BCAS3: variants seen among roughly 807,000 people sequenced by gnomAD.
The protein encoded by BCAS3 is BCAS3 microtubule associated cell migration factor.
In BCAS3, 53 loss-of-function variants were observed where a neutral mutation model predicts 116.1. The observed-to-expected ratio is 0.46, with a 90% CI of 0.37 to 0.57. The LOEUF (loss-of-function observed/expected upper bound fraction) is 0.57, where lower values mean the gene tolerates loss of function less well. BCAS3 is among the 20% of genes least tolerant of loss of function. The probability of loss-of-function intolerance (pLI) is 0.00; values close to 1 mark genes in which losing one functional copy is unlikely to be tolerated. For missense variants in BCAS3, 917 were observed against 1,165.4 expected (o/e 0.79, Z 3.10); for synonymous variants, 391 against 408.2 (o/e 0.96, Z 0.51).
At chr17:61,254,991 C>T (rs2048679321) in intron 22 of BCAS3, among the ~76,000 whole-genome samples, 1 of 152,076 alleles carries the variant, frequency 6.6e-6, no homozygotes, top group Non-Finnish European at 1.5e-5. Context: ...ATTGAAACAG[C>T]CCTGTTGTGT....
intron 7 of BCAS3, among the ~76,000 whole-genome samples, chr17:60,862,001 C>T (rs539324154): frequency 9.8e-4 from 149 of 152,120 alleles, no homozygotes; most frequent in African/African-American, 3.5e-3. Context: ...AAGCTGGCTT[C>T]GGCCGGGCGT....
chr17:61,038,656 GT>G lies in BCAS3; in HGVS notation c.1928+607del, dbSNP rs1568187807. ...ATACTTCATTCCTTTTTTTTGTTTT[GT>G]TTTTGTTTTTGTTTTTTTTTTTTTT... is the stretch of plus-strand genomic sequence containing the variant. On this transcript the variant is annotated intron_variant, in intron 18 of 23. Transcript: ENST00000407086. 3.0e-3 allele frequency among the ~76,000 whole-genome samples: 369 copies of G among 122,434 alleles called. 3 individuals are homozygous for G. The highest frequency in any genetic ancestry group is 0.014 in the African/African-American group (356 of 25,846). The allele number at this position is 122,434 out of a possible 152,430, so 80.3% of individuals were successfully genotyped here. A position where few individuals can be genotyped will look rare whatever the true frequency, so the allele number is the denominator to read the frequency against.
At chr17:60,678,823 C>T (rs144169513) in intron 1 of BCAS3, among the ~76,000 whole-genome samples, 3 of 152,262 alleles carry the variant, frequency 2.0e-5, no homozygotes, top group African/African-American at 4.8e-5. Context: ...AATTCCCATC[C>T]CATGATCTGG....
chr17:60,696,860 C>A (rs1443919786), intron 4 of BCAS3, among the ~76,000 whole-genome samples: 1 of 152,086 alleles, frequency 6.6e-6, no homozygotes. Flanking sequence ...TATTTTCTGC[C>A]CCTATCATTA....
At chr17:60,790,827 T>G (rs926787789) in intron 6 of BCAS3, among the ~76,000 whole-genome samples, 3 of 147,394 alleles carry the variant, frequency 2.0e-5, no homozygotes, top group African/African-American at 7.5e-5. Flanking sequence ...CACTGCAGCC[T>G]CTGCCTCCCC....
chr17:60,699,195 ATTTG>A (rs1256440144), intron 4 of BCAS3, among the ~76,000 whole-genome samples: 1 of 150,868 alleles, frequency 6.6e-6, no homozygotes, highest in Admixed American at 6.6e-5. Flanking sequence ...ATAAAACACC[ATTTG>A]TTTATTTATT....
In BCAS3 at chr17:61,348,681, C is replaced by T. The variant is rs755894723; in HGVS notation, c.2426-19646C>T. Among the ~76,000 whole-genome samples, 2 of 151,706 alleles carry T rather than the reference C, an allele frequency of 1.3e-5. No individual in the cohort carries two copies. The highest frequency in any genetic ancestry group is 2.9e-5 in the Non-Finnish European group (2 of 67,974). On this transcript the variant is annotated intron_variant, in intron 22 of 23. Coordinates refer to ENST00000407086, the MANE Select transcript of BCAS3 (RefSeq NM_017679.5). This position sits in a 1 kb window ranked among gnomAD's most constrained non-coding sequence, Gnocchi z 4.5. ...AGTCTGGGTTGCCCACAAGGGACCA[C>T]ATCATTGTACCTAAGCTGCCATGAT... is the stretch of plus-strand genomic sequence containing the variant.
At chr17:60,797,869 C>T (rs7225403) in intron 6 of BCAS3, among the ~76,000 whole-genome samples, 28,027 of 152,024 alleles carry the variant, frequency 0.18, 4,052 homozygotes, top group African/African-American at 0.41. Context: ...GGCGAGACCC[C>T]GTTTCTGCAA....
At chr17:61,116,165 G>A (rs866217168) in intron 22 of BCAS3, among the ~76,000 whole-genome samples, 3 of 151,604 alleles carry the variant, frequency 2.0e-5, no homozygotes, top group Non-Finnish European at 4.4e-5. Flanking sequence ...TGGGTGCAGC[G>A]CACCAGCATG....
chr17:61,389,465 A>C lies in BCAS3; in HGVS notation c.2594-2512A>C, dbSNP rs2060021023. 4 of 152,414 alleles carry C rather than the reference A, an allele frequency of 2.6e-5. No individual in the cohort carries two copies. The South Asian group carries it at 8.3e-4, about 32-fold the overall frequency. The allele number at this position is 152,414 out of a possible 1,614,324, so 9.4% of individuals were successfully genotyped here. On this transcript the variant is annotated intron_variant, in intron 23 of 23. Transcript: ENST00000407086. Reference sequence around the variant, plus strand: ...GCTGAAGGCTTTTACGCAGAGGAAAAGCAAGATGAGGGCTGTGCTGTACAT... The same window carrying C: ...GCTGAAGGCTTTTACGCAGAGGAAACGCAAGATGAGGGCTGTGCTGTACAT...
In BCAS3 at chr17:61,381,372, G is replaced by A. The variant is rs965554602; in HGVS notation, c.2594-10605G>A. 6.6e-6 allele frequency among the ~76,000 whole-genome samples: 1 copy of A among 152,200 alleles called. No homozygotes were observed. The stretch of plus-strand genomic sequence containing the variant: ...AAGGCAGACCGGCATCAGCCAGGCC[G>A]TTTCCATCTGGACGGGCGGCGGCAC... On this transcript the variant is annotated intron_variant, in intron 23 of 23. Coordinates refer to ENST00000407086, the MANE Select transcript of BCAS3 (RefSeq NM_017679.5). This position sits in a 1 kb window ranked among gnomAD's most constrained non-coding sequence, Gnocchi z 6.0.
intron 12 of BCAS3, among the ~76,000 whole-genome samples, chr17:60,913,948 A>G (rs1036171351): frequency 5.3e-5 from 8 of 152,154 alleles, no homozygotes; most frequent in African/African-American, 1.4e-4. Flanking sequence ...TGCTTTTTAC[A>G]CGTTTATATA....
intron 6 of BCAS3, among the ~76,000 whole-genome samples, chr17:60,761,052 TTC>T (rs1469150659): frequency 2.0e-5 from 3 of 152,076 alleles, no homozygotes; most frequent in Non-Finnish European, 4.4e-5. Context: ...GTTCTAGAAT[TTC>T]TGTTTTGTTC....
chr17:60,792,389 G>A (rs533104164), intron 6 of BCAS3, among the ~76,000 whole-genome samples: 6 of 152,184 alleles, frequency 3.9e-5, no homozygotes, highest in Non-Finnish European at 7.3e-5. Context: ...CCCCCCGCTC[G>A]CTTGCTTACA....
chr17:60,710,192 T>A (rs2037680108), intron 5 of BCAS3, among the ~76,000 whole-genome samples: 1 of 152,192 alleles, frequency 6.6e-6, no homozygotes, highest in Non-Finnish European at 1.5e-5. Context: ...ATTTATACCT[T>A]TAATAATTGT....
At chr17:60,758,980 GA>G (rs1469036950) in intron 6 of BCAS3, among the ~76,000 whole-genome samples, 8 of 150,938 alleles carry the variant, frequency 5.3e-5, no homozygotes, top group South Asian at 2.1e-4. Flanking sequence ...AGTCTGAGAA[GA>G]TTTTTTTTTT....
At position 60,995,665 on chromosome 17, in the gene BCAS3, A is replaced by G. The variant is rs2063794043; in HGVS notation, c.1486+5430A>G. ...AGTTGTTCTAAGAAAAACAATTTAGATTTAAATAATTACTTGTTAGAATGA... is the reference window on the plus strand; with the variant it reads ...AGTTGTTCTAAGAAAAACAATTTAGGTTTAAATAATTACTTGTTAGAATGA... On this transcript the variant is annotated intron_variant, in intron 15 of 23. Transcript: ENST00000407086. This position sits in a 1 kb window ranked among gnomAD's most constrained non-coding sequence, Gnocchi z 4.7. Among the ~76,000 whole-genome samples the G allele has an allele frequency of 6.6e-6, 1 of 152,228 alleles. No homozygotes were observed. The highest frequency in any genetic ancestry group is 1.5e-5 in the Non-Finnish European group (1 of 68,032).
At chr17:60,919,787 T>G (rs1318087965) in intron 12 of BCAS3, among the ~76,000 whole-genome samples, 5 of 152,142 alleles carry the variant, frequency 3.3e-5, no homozygotes, top group Non-Finnish European at 7.3e-5. Context: ...GAGCTGTATT[T>G]TACTGGAATT....
intron 22 of BCAS3, among the ~76,000 whole-genome samples, chr17:61,329,070 A>G (rs916720652): frequency 6.7e-6 from 1 of 149,368 alleles, no homozygotes; most frequent in South Asian, 2.1e-4. Flanking sequence ...AGTTTTTTGT[A>G]TTTTTAGTAG....
Sources: allele counts gnomAD v4.1 joint callset (sites outside exome capture counted in the v4.1 genomes callset), GRCh38; gene constraint gnomAD v4.1.1; non-coding constraint Gnocchi (gnomAD v3.1); transcripts MANE v1.5; gene names NCBI Gene and HGNC (gene_info 2026-07-23, HGNC 2026-07-21).